Variants in NEGR1 observed in about 807,000 individuals in gnomAD.
NEGR1 encodes the protein neuronal growth regulator 1.
In NEGR1, 10 loss-of-function variants were observed where a neutral mutation model predicts 40.9. That is an observed-to-expected ratio of 0.24 (90% CI 0.15 to 0.42). The LOEUF is 0.42. Among genes scored for constraint, NEGR1 ranks in the 10% least tolerant of loss-of-function variants. The probability of loss-of-function intolerance (pLI) is 1.00; values close to 1 mark genes in which losing one functional copy is unlikely to be tolerated. For missense variants in NEGR1, 352 were observed against 438.9 expected (o/e 0.80, Z 1.77); for synonymous variants, 185 against 166.8 (o/e 1.11, Z -0.84).
At chr1:71,567,834 T>TG (rs932831355) in intron 6 of NEGR1, among the ~76,000 whole-genome samples, 7 of 86,512 alleles carry the variant, frequency 8.1e-5, no homozygotes, top group African/African-American at 2.4e-4. Context: ...AATGAGATTT[T>TG]GTTTTTTTTT....
chr1:71,533,569 G>C lies in NEGR1; in HGVS notation c.940+59248C>G, dbSNP rs557268885. 1.3e-3 allele frequency among the ~76,000 whole-genome samples: 192 copies of C among 151,680 alleles called. 1 individual carries two copies. The highest frequency in any genetic ancestry group is 2.2e-3 in the Non-Finnish European group (148 of 67,710). On this transcript the variant is annotated intron_variant, in intron 6 of 6. Transcript: ENST00000357731. ...GTTTTAAATTACCTGGAATATATTT[G>C]TGTGTCTACAAGGCACTGTTGGCTA...
chr1:71,896,376 A>T (rs2101856961), intron 2 of NEGR1, among the ~76,000 whole-genome samples: 1 of 152,094 alleles, frequency 6.6e-6, no homozygotes, highest in East Asian at 1.9e-4. Context: ...AAATTATTTG[A>T]CCACTTTCTA....
rs1011402551 is a variant in NEGR1 at position 71,575,041 on chromosome 1, T to G, written c.940+17776A>C. On this transcript the variant is annotated intron_variant, in intron 6 of 6. Coordinates refer to ENST00000357731, the MANE Select transcript of NEGR1 (RefSeq NM_173808.3). ...TGTGATAATTTTCAGGGAAGAAGAA[T>G]AATAGGAGAACGTGGATTGCTCATA... Among the ~76,000 whole-genome samples the G allele has an allele frequency of 2.6e-5, 4 of 152,184 alleles. 1 individual carries two copies. Among genetic ancestry groups the G allele is most frequent in the African/African-American group, 7.2e-5 (3 of 41,438 alleles).
At chr1:72,207,965 C>A (rs1653470325) in intron 1 of NEGR1, among the ~76,000 whole-genome samples, 1 of 151,484 alleles carries the variant, frequency 6.6e-6, no homozygotes, top group African/African-American at 2.4e-5. Context: ...GACGATTTAA[C>A]AAGGCAATCA....
chr1:71,490,558 C>A (rs149875720), intron 6 of NEGR1, among the ~76,000 whole-genome samples: 1 of 152,072 alleles, frequency 6.6e-6, no homozygotes, highest in Admixed American at 6.6e-5. Context: ...ACAGTCTAAA[C>A]CATTCTATGC....
chr1:71,595,901 GT>G (rs1395391365), intron 5 of NEGR1, among the ~76,000 whole-genome samples: 1 of 151,986 alleles, frequency 6.6e-6, no homozygotes, highest in Non-Finnish European at 1.5e-5. Context: ...TTGATGACAT[GT>G]TTTTCTTTAC....
intron 2 of NEGR1, among the ~76,000 whole-genome samples, chr1:71,790,625 A>G (rs1657081632): frequency 6.6e-6 from 1 of 152,088 alleles, no homozygotes; most frequent in Non-Finnish European, 1.5e-5. Context: ...GGTGATTATA[A>G]TAAAGTATCC....
intron 1 of NEGR1, among the ~76,000 whole-genome samples, chr1:72,239,094 C>A (rs929512505): frequency 2.0e-5 from 3 of 151,554 alleles, no homozygotes; most frequent in Non-Finnish European, 3.0e-5. Flanking sequence ...GTGGTCCATT[C>A]AAGAATAATT....
chr1:71,625,907 A>G, intron 4 of NEGR1, among the ~76,000 whole-genome samples: 1 of 151,896 alleles, frequency 6.6e-6, no homozygotes, highest in East Asian at 1.9e-4. Context: ...GCAGGAGGTG[A>G]GCTGCAGGGT....
At chr1:71,550,771 T>C (rs1557563455) in intron 6 of NEGR1, among the ~76,000 whole-genome samples, 1 of 151,558 alleles carries the variant, frequency 6.6e-6, no homozygotes, top group Non-Finnish European at 1.5e-5. Flanking sequence ...AATCTACCCA[T>C]AGGGTAAGGG....
At chr1:71,445,545 C>A (rs2101319767) in intron 6 of NEGR1, among the ~76,000 whole-genome samples, 1 of 152,196 alleles carries the variant, frequency 6.6e-6, no homozygotes, top group African/African-American at 2.4e-5. Flanking sequence ...AAGTGACCTG[C>A]TTAGAGTCTG....
chr1:71,439,840 T>C (rs1187382177), intron 6 of NEGR1: 1 of 152,034 alleles, frequency 6.6e-6, no homozygotes, highest in African/African-American at 2.4e-5. Context: ...TGCCTATATC[T>C]GTAGATATAT....
chr1:71,793,721 A>C (rs1391611675), intron 2 of NEGR1, among the ~76,000 whole-genome samples: 1 of 152,122 alleles, frequency 6.6e-6, no homozygotes, highest in Non-Finnish European at 1.5e-5. Context: ...TGCCTAAGCA[A>C]GTGTTCTTAT....
At chr1:72,124,137 T>C (rs572392180) in intron 1 of NEGR1, among the ~76,000 whole-genome samples, 7 of 152,196 alleles carry the variant, frequency 4.6e-5, no homozygotes, top group African/African-American at 1.7e-4. Flanking sequence ...TTGAGTTTTC[T>C]TGATGATTAG....
intron 1 of NEGR1, among the ~76,000 whole-genome samples, chr1:72,172,977 C>T (rs534696133): frequency 2.0e-5 from 3 of 151,964 alleles, no homozygotes; most frequent in African/African-American, 7.2e-5. Context: ...CACGGACCAT[C>T]CCAAGGTCAA....
At chr1:72,265,461 G>C (rs1254611693) in intron 1 of NEGR1, among the ~76,000 whole-genome samples, 1 of 150,710 alleles carries the variant, frequency 6.6e-6, no homozygotes, top group Non-Finnish European at 1.5e-5. Context: ...GAATTAATTT[G>C]AGCCTAAAGT....
intron 2 of NEGR1, among the ~76,000 whole-genome samples, chr1:71,883,764 C>T (rs1276666429): frequency 1.5e-5 from 2 of 136,564 alleles, no homozygotes; most frequent in Non-Finnish European, 3.1e-5. Context: ...TGTGATGTTC[C>T]CCATCCTGTA....
intron 1 of NEGR1, among the ~76,000 whole-genome samples, chr1:72,190,199 C>T (rs1215649794): frequency 1.3e-5 from 2 of 151,514 alleles, no homozygotes; most frequent in Non-Finnish European, 3.0e-5. Flanking sequence ...CCATACATGT[C>T]AAAACTGTAC....
intron 1 of NEGR1, among the ~76,000 whole-genome samples, chr1:72,102,995 A>ATTATG: frequency 6.6e-6 from 1 of 152,080 alleles, no homozygotes; most frequent in Non-Finnish European, 1.5e-5. Context: ...ATCATAAGCA[A>ATTATG]CCACCCTTAT....
Sources: allele counts gnomAD v4.1 joint callset (sites outside exome capture counted in the v4.1 genomes callset), GRCh38; gene constraint gnomAD v4.1.1; transcripts MANE v1.5; gene names NCBI Gene and HGNC (gene_info 2026-07-23, HGNC 2026-07-21).